The following AGAP1 variants were observed in gnomAD, a reference collection of about 807,000 sequenced individuals.
AGAP1 encodes arf-GAP with GTPase, ANK repeat and PH domain-containing protein 1.
Under a neutral mutation model 105.3 loss-of-function variants are expected in AGAP1, and 29 were observed. The ratio of observed to expected loss-of-function variants is 0.28; its 90% confidence interval spans 0.21 to 0.38. The LOEUF (loss-of-function observed/expected upper bound fraction) is 0.38. AGAP1 is among the 10% of genes least tolerant of loss of function. The pLI, the probability that AGAP1 is intolerant of heterozygous loss-of-function variation, is 1.00. For synonymous variants in AGAP1, 509 were observed against 485.9 expected (o/e 1.05, Z -0.63); for missense variants, 998 against 1,165.1 (o/e 0.86, Z 2.09).
chr2:235,567,159 C>T (rs903247914), intron 1 of AGAP1, among the ~76,000 whole-genome samples: 1 of 152,226 alleles, frequency 6.6e-6, no homozygotes, highest in African/African-American at 2.4e-5. Flanking sequence ...AGTGTGCCCA[C>T]CCCCAGGCCA....
intron 6 of AGAP1, among the ~76,000 whole-genome samples, chr2:235,772,755 G>A (rs1184453833): frequency 6.6e-6 from 1 of 152,220 alleles, no homozygotes; most frequent in Non-Finnish European, 1.5e-5. Flanking sequence ...GCTGTGACCA[G>A]CCTTCACATG....
At chr2:235,710,812 G>A (rs913460999) in intron 2 of AGAP1, among the ~76,000 whole-genome samples, 41 of 152,098 alleles carry the variant, frequency 2.7e-4, no homozygotes, top group Non-Finnish European at 7.3e-5. Flanking sequence ...GCTGCCACTC[G>A]GGTGCTGTGA....
At position 235,996,848 on chromosome 2, in the gene AGAP1, T is replaced by C. The variant is rs76857708; in HGVS notation, c.1645+28225T>C. ...AGACGCCTGCATACTTTTTAAAAATTGGGAACCACTGAAAGAGATTAATCC... is the reference window on the plus strand; with the variant it reads ...AGACGCCTGCATACTTTTTAAAAATCGGGAACCACTGAAAGAGATTAATCC... On this transcript the variant is annotated intron_variant, in intron 13 of 17. Coordinates refer to ENST00000304032, the MANE Select transcript of AGAP1 (RefSeq NM_001037131.3). Among the ~76,000 whole-genome samples, 1,009 of 152,370 alleles carry C rather than the reference T, an allele frequency of 6.6e-3. 5 individuals are homozygous for C. The highest frequency in any genetic ancestry group is 0.01 in the Non-Finnish European group (681 of 68,032).
rs1378601878 is a variant in AGAP1, at chr2:235,992,309, C to A, written c.1645+23686C>A. On this transcript the variant is annotated intron_variant, in intron 13 of 17. Coordinates refer to ENST00000304032, the MANE Select transcript of AGAP1 (RefSeq NM_001037131.3). The surrounding 1 kb of genome is among the most constrained non-coding windows in gnomAD (Gnocchi z 4.8). The stretch of plus-strand genomic sequence containing the variant: ...TCCTGGCGGGTGGCCTGGGCGAGTG[C>A]CTCACGCTCCCGTCAGTGCTCTCAG... Among the ~76,000 whole-genome samples, 1 of 152,220 alleles carries A rather than the reference C, an allele frequency of 6.6e-6. No individual in the cohort carries two copies. The highest frequency in any genetic ancestry group is 1.5e-5 in the Non-Finnish European group (1 of 68,040).
chr2:235,975,534 A>C (rs1202015389), intron 13 of AGAP1, among the ~76,000 whole-genome samples: 1 of 152,190 alleles, frequency 6.6e-6, no homozygotes, highest in Admixed American at 6.5e-5. Flanking sequence ...TAAGAGTCTT[A>C]TTAGCACAAG....
chr2:235,703,557 C>T (rs569286409), intron 1 of AGAP1, among the ~76,000 whole-genome samples: 3 of 145,626 alleles, frequency 2.1e-5, no homozygotes, highest in Non-Finnish European at 4.5e-5. Flanking sequence ...CTCCCCTCCC[C>T]CTCCTTCCCC....
rs1576359988 is a variant in AGAP1, at chr2:236,124,286, T to C, written c.*164T>C. 1 of 757,302 alleles carries C rather than the reference T, an allele frequency of 1.3e-6. No individual in the cohort carries two copies. The highest frequency in any genetic ancestry group is 2.0e-6 in the Non-Finnish European group (1 of 501,218). The allele number at this position is 757,302 out of a possible 1,614,324, so 46.9% of individuals were successfully genotyped here. On this transcript the variant is annotated 3_prime_UTR_variant, in exon 18 of 18. Coordinates refer to ENST00000304032, the MANE Select transcript of AGAP1 (RefSeq NM_001037131.3). The surrounding 1 kb of genome is among the most constrained non-coding windows in gnomAD (Gnocchi z 5.1). The stretch of plus-strand genomic sequence containing the variant: ...TCACCCCAAACAAAATCACAAAACC[T>C]GGACATCCCTCAAGGGGCGAAGAGG...
Position 235,596,334 on chromosome 2 carries a change from G to A in AGAP1, c.163+101485G>A, listed in dbSNP as rs1452035002. 1.3e-5 allele frequency among the ~76,000 whole-genome samples: 2 copies of A among 152,232 alleles called. No homozygotes were observed. The highest frequency in any genetic ancestry group is 4.8e-5 in the African/African-American group (2 of 41,458). On this transcript the variant is annotated intron_variant, in intron 1 of 17. Transcript: ENST00000304032. The surrounding 1 kb of genome is among the most constrained non-coding windows in gnomAD (Gnocchi z 5.9). ...CACTACAGAGTTTTGAGGAAATAGA[G>A]TCTCAGACTGGAGCCCCAAGGACCT...
chr2:235,675,340 G>A lies in AGAP1; in HGVS notation c.164-33839G>A, dbSNP rs7608299. ...CGAATAGCTGGGACTACAGGTGCCC[G>A]CCACCACGCCCGGCTAATTTATTTG... is the stretch of plus-strand genomic sequence containing the variant. On this transcript the variant is annotated intron_variant, in intron 1 of 17. Transcript: ENST00000304032. Among the ~76,000 whole-genome samples, 129 of 152,002 alleles carry A rather than the reference G, an allele frequency of 8.5e-4. 1 individual carries two copies. Among genetic ancestry groups the A allele is most frequent in the African/African-American group, 3.0e-3 (123 of 41,474 alleles).
At chr2:235,572,602 C>G (rs1944565481) in intron 1 of AGAP1, among the ~76,000 whole-genome samples, 2 of 152,200 alleles carry the variant, frequency 1.3e-5, no homozygotes, top group African/African-American at 2.4e-5. Context: ...GCTTCCTGCC[C>G]ACTTCTCTGC....
chr2:236,066,258 C>T (rs2058342490), intron 16 of AGAP1, among the ~76,000 whole-genome samples: 1 of 152,190 alleles, frequency 6.6e-6, no homozygotes. Flanking sequence ...GACAGAGTCT[C>T]ACTCTGTCGC....
At position 235,631,442 on chromosome 2, in the gene AGAP1, C is replaced by T. The variant is rs765158932; in HGVS notation, c.164-77737C>T. 3.9e-5 allele frequency among the ~76,000 whole-genome samples: 6 copies of T among 152,212 alleles called. No homozygotes were observed. Among genetic ancestry groups the T allele is most frequent in the Non-Finnish European group, 8.8e-5 (6 of 68,042 alleles). On this transcript the variant is annotated intron_variant, in intron 1 of 17. Coordinates refer to ENST00000304032, the MANE Select transcript of AGAP1 (RefSeq NM_001037131.3). This position sits in a 1 kb window ranked among gnomAD's most constrained non-coding sequence, Gnocchi z 5.4. Reference sequence around the variant, plus strand: ...AGGACAGCCTCCGGGTGGGCCATCACTGCTGGTAGAGAGGGTTTCTGGGTC... The same window carrying T: ...AGGACAGCCTCCGGGTGGGCCATCATTGCTGGTAGAGAGGGTTTCTGGGTC...
At chr2:235,748,280 T>C (rs1388422906) in intron 5 of AGAP1, among the ~76,000 whole-genome samples, 3 of 152,190 alleles carry the variant, frequency 2.0e-5, no homozygotes, top group African/African-American at 7.2e-5. Context: ...ACGGAGGGGC[T>C]GCGGGATTGC....
In AGAP1 at chr2:235,845,607, C is replaced by G. The variant is rs1018612067; in HGVS notation, c.1051-37738C>G. ...TTCCAGTTATTCCTTTCCTGACCCCCCCCCCGATCTGCTTTTTAATTTCTC... is the reference window on the plus strand; with the variant it reads ...TTCCAGTTATTCCTTTCCTGACCCCGCCCCCGATCTGCTTTTTAATTTCTC... On this transcript the variant is annotated intron_variant, in intron 9 of 17. Coordinates refer to ENST00000304032, the MANE Select transcript of AGAP1 (RefSeq NM_001037131.3). This position sits in a 1 kb window ranked among gnomAD's most constrained non-coding sequence, Gnocchi z 4.8. Among the ~76,000 whole-genome samples, 20 of 151,620 alleles carry G rather than the reference C, an allele frequency of 1.3e-4. No homozygotes were observed. Among genetic ancestry groups the G allele is most frequent in the Non-Finnish European group, 2.4e-4 (16 of 67,910 alleles).
chr2:235,602,363 A>C (rs1173079752), intron 1 of AGAP1, among the ~76,000 whole-genome samples: 1 of 152,124 alleles, frequency 6.6e-6, no homozygotes, highest in Non-Finnish European at 1.5e-5. Flanking sequence ...TGGCCCACAA[A>C]ACCTAAACTA....
Position 235,934,531 on chromosome 2 carries a change from G to A in AGAP1, c.1483+3608G>A, listed in dbSNP as rs1243630044. 2.0e-5 allele frequency among the ~76,000 whole-genome samples: 3 copies of A among 152,284 alleles called. No homozygotes were observed. Among genetic ancestry groups the A allele is most frequent in the Admixed American group, 2.0e-4 (3 of 15,300 alleles). Reference sequence around the variant, plus strand: ...ATCTGATGGACAACTTCCAGAAAACGTGTTTATGAATGGATTTCAAGACTC... The same window carrying A: ...ATCTGATGGACAACTTCCAGAAAACATGTTTATGAATGGATTTCAAGACTC... On this transcript the variant is annotated intron_variant, in intron 12 of 17. Transcript: ENST00000304032. This position sits in a 1 kb window ranked among gnomAD's most constrained non-coding sequence, Gnocchi z 4.9.
At chr2:235,564,954 A>G (rs1368478327) in intron 1 of AGAP1, among the ~76,000 whole-genome samples, 1 of 144,118 alleles carries the variant, frequency 6.9e-6, no homozygotes, top group Non-Finnish European at 1.5e-5. Flanking sequence ...GGTCTAGACC[A>G]CCACCCATGG....
At position 236,049,214 on chromosome 2, in the gene AGAP1, G is replaced by A. The variant is rs563206172; in HGVS notation, c.2047G>A (p.Glu683Lys). Residue 683 changes from glutamate (E) to lysine (K), a missense_variant, in exon 16 of 18, where the codon GAG becomes AAG. By Grantham distance (56) the Glu-to-Lys change is moderately conservative. This residue lies in a region of AGAP1 where 235 missense variants were observed against 270.7 expected (regional missense o/e 0.87). Transcript: ENST00000304032. ...LIKVMSSIGN[E>K]LANSVWEESS... The stretch of plus-strand genomic sequence containing the variant: ...CAAGGTGATGTCATCCATCGGGAAC[G>A]AGCTAGCCAACAGCGTCTGGGAAGA... 5.6e-6 allele frequency: 9 copies of A among 1,614,192 alleles called. No individual in the cohort carries two copies. In the East Asian group the frequency reaches 6.7e-5, roughly 12 times the overall value.
chr2:236,085,319 T>C (rs111718207), intron 16 of AGAP1, among the ~76,000 whole-genome samples: 6 of 152,210 alleles, frequency 3.9e-5, no homozygotes, highest in African/African-American at 1.4e-4. Context: ...CAGTGTTAGA[T>C]TCTTTCTGGA....
Sources: gnomAD v4.1 joint callset for allele counts (sites outside exome capture counted in the v4.1 genomes callset) on GRCh38, gnomAD v4.1.1 for gene constraint, gnomAD v4.1.1 regional missense constraint, Gnocchi (gnomAD v3.1) non-coding constraint, MANE v1.5 for transcripts, NCBI Gene and HGNC (gene_info 2026-07-23, HGNC 2026-07-21) for gene names.